The following PRTG variants were observed in gnomAD, a reference collection of about 807,000 sequenced individuals.
PRTG encodes immunoglobulin superfamily, DCC subclass, member 5.
In PRTG, 67 loss-of-function variants were observed where a neutral mutation model predicts 122.5. The observed-to-expected ratio is 0.55, with a 90% CI of 0.45 to 0.67. The LOEUF (loss-of-function observed/expected upper bound fraction) is 0.67. Ranked by LOEUF, PRTG falls within the 30% of genes least tolerant of loss-of-function variation. The probability of loss-of-function intolerance (pLI) is 0.00; values close to 1 mark genes in which losing one functional copy is unlikely to be tolerated. For synonymous variants in PRTG, 554 were observed against 501.1 expected (o/e 1.11, Z -1.41); for missense variants, 1,435 against 1,415.4 (o/e 1.01, Z -0.22).
chr15:55,625,819 C>T (rs72748421), intron 17 of PRTG, among the ~76,000 whole-genome samples: 20,990 of 151,968 alleles, frequency 0.14, 1,934 homozygotes, highest in Middle Eastern at 0.26. Context: ...GACAGGATTT[C>T]TCCATGTTGG....
intron 2 of PRTG, among the ~76,000 whole-genome samples, chr15:55,698,566 C>T (rs571194547): frequency 6.6e-6 from 1 of 152,316 alleles, no homozygotes; most frequent in South Asian, 2.1e-4. Flanking sequence ...GCTGGGATTA[C>T]AGGCATGAGC....
In PRTG at chr15:55,639,623, A is replaced by G; in HGVS notation, c.2324+19T>C. ...GGTGAGGTAAGCAAAGAAAATAACC[A>G]TTAACAGGAGCTACATACGTTTGAA... On this transcript the variant is annotated intron_variant, in intron 13 of 19. Coordinates refer to ENST00000389286, the MANE Select transcript of PRTG (RefSeq NM_173814.6). 3 of 1,607,708 alleles carry G rather than the reference A, an allele frequency of 1.9e-6. No homozygotes were observed. Among genetic ancestry groups the G allele is most frequent in the Non-Finnish European group, 2.6e-6 (3 of 1,175,006 alleles).
chr15:55,665,599 G>A (rs1168737947), intron 11 of PRTG, among the ~76,000 whole-genome samples: 2 of 148,526 alleles, frequency 1.3e-5, no homozygotes, highest in Non-Finnish European at 3.0e-5. Flanking sequence ...AGGTTGGAGT[G>A]CAGTGGCAGA....
chr15:55,672,132 T>C (rs1464045728), intron 11 of PRTG, among the ~76,000 whole-genome samples: 1 of 152,096 alleles, frequency 6.6e-6, no homozygotes. Flanking sequence ...CTATTCTACA[T>C]CCGCCACACA....
intron 11 of PRTG, among the ~76,000 whole-genome samples, chr15:55,641,689 C>T (rs560656635): frequency 5.9e-5 from 9 of 152,226 alleles, no homozygotes; most frequent in Admixed American, 5.2e-4. Context: ...TCTTTAGTAC[C>T]TTTGAAAACT....
At chr15:55,644,380 A>C (rs2141743322) in intron 11 of PRTG, among the ~76,000 whole-genome samples, 1 of 152,290 alleles carries the variant, frequency 6.6e-6, no homozygotes, top group South Asian at 2.1e-4. Flanking sequence ...TTTTTCTACC[A>C]TGCAAACAAC....
intron 2 of PRTG, among the ~76,000 whole-genome samples, chr15:55,695,370 G>A (rs546773664): frequency 7.9e-5 from 12 of 152,226 alleles, no homozygotes; most frequent in South Asian, 4.1e-4. Context: ...TTTAAAATAC[G>A]TCCACTACAA....
intron 18 of PRTG, among the ~76,000 whole-genome samples, chr15:55,623,756 G>GATTGT (rs981288669): frequency 2.6e-5 from 4 of 152,180 alleles, no homozygotes; most frequent in Non-Finnish European, 5.9e-5. Flanking sequence ...TGTTCACAAT[G>GATTGT]CTTACAACAG....
intron 11 of PRTG, among the ~76,000 whole-genome samples, chr15:55,670,494 T>C (rs2059463194): frequency 1.3e-5 from 2 of 152,166 alleles, no homozygotes; most frequent in South Asian, 4.1e-4. Flanking sequence ...TGAGAAGCCA[T>C]GACTAGGAAT....
intron 2 of PRTG, among the ~76,000 whole-genome samples, chr15:55,724,736 C>A (rs1197171684): frequency 2.4e-4 from 37 of 151,878 alleles, no homozygotes; most frequent in Admixed American, 2.4e-3. Flanking sequence ...CCAGCCTAGG[C>A]AACAGAGCAA....
chr15:55,691,095 G>A (rs1416598262), intron 2 of PRTG, among the ~76,000 whole-genome samples: 2 of 152,114 alleles, frequency 1.3e-5, no homozygotes, highest in Middle Eastern at 3.4e-3. Context: ...AGGAGTTCGA[G>A]ACCAACCTGG....
chr15:55,630,338 G>A (rs936670152), intron 15 of PRTG, among the ~76,000 whole-genome samples: 5 of 151,778 alleles, frequency 3.3e-5, no homozygotes, highest in African/African-American at 9.7e-5. Flanking sequence ...GGCCAGGCTG[G>A]TTTTGAACTC....
At chr15:55,627,690 G>A (rs1293365139) in intron 16 of PRTG, among the ~76,000 whole-genome samples, 3 of 152,058 alleles carry the variant, frequency 2.0e-5, no homozygotes, top group Non-Finnish European at 4.4e-5. Flanking sequence ...TAGCAATCAT[G>A]AACATCAATT....
At chr15:55,679,170 T>G (rs2059522021) in intron 7 of PRTG, 116 bp downstream of exon 7, 1 of 665,776 alleles carries the variant, frequency 1.5e-6, no homozygotes, top group African/African-American at 1.8e-5. Context: ...TTAGTTTCAT[T>G]TTGTTAATAA....
intron 11 of PRTG, among the ~76,000 whole-genome samples, chr15:55,646,658 C>T (rs1408787905): frequency 1.3e-5 from 2 of 152,074 alleles, no homozygotes; most frequent in African/African-American, 4.8e-5. Flanking sequence ...GGGGTGATGG[C>T]TCAAATGGGT....
intron 7 of PRTG, 70 bp from the exon 8 acceptor site, chr15:55,678,114 G>A (rs1278502037): frequency 1.1e-6 from 1 of 889,706 alleles, no homozygotes; most frequent in Non-Finnish European, 1.7e-6. Context: ...TTTAGCTATT[G>A]CTAAATATAC....
intron 15 of PRTG, 102 bp downstream of exon 15, chr15:55,637,067 TA>T: frequency 9.5e-7 from 1 of 1,055,620 alleles, no homozygotes; most frequent in Non-Finnish European, 1.3e-6. Flanking sequence ...ACTTCATACA[TA>T]AAAATGTAAA....
At chr15:55,630,050 G>A (rs2059218936) in intron 15 of PRTG, among the ~76,000 whole-genome samples, 1 of 149,370 alleles carries the variant, frequency 6.7e-6, no homozygotes, top group Non-Finnish European at 1.5e-5. Context: ...GCAGCGGCAC[G>A]ATCTTGGCTC....
intron 2 of PRTG, among the ~76,000 whole-genome samples, chr15:55,722,693 C>A (rs1364668761): frequency 6.6e-6 from 1 of 152,106 alleles, no homozygotes; most frequent in Non-Finnish European, 1.5e-5. Flanking sequence ...TCTGGAAAAT[C>A]GTAGACTGAA....
Sources: allele counts gnomAD v4.1 joint callset (sites outside exome capture counted in the v4.1 genomes callset), GRCh38; gene constraint gnomAD v4.1.1; transcripts MANE v1.5; gene names NCBI Gene and HGNC (gene_info 2026-07-23, HGNC 2026-07-21).